MNT: variants seen among roughly 807,000 people sequenced by gnomAD.
MNT encodes the protein max-binding protein MNT.
In MNT, 13 loss-of-function variants were observed where a neutral mutation model predicts 40.7. That is an observed-to-expected ratio of 0.32 (90% CI 0.21 to 0.51). MNT has a LOEUF of 0.51. Ranked by LOEUF, MNT falls within the 20% of genes least tolerant of loss-of-function variation. The probability of loss-of-function intolerance (pLI) is 0.98; values close to 1 mark genes in which losing one functional copy is unlikely to be tolerated. For missense variants in MNT, 757 were observed against 792.0 expected (o/e 0.96, Z 0.53); for synonymous variants, 426 against 354.8 (o/e 1.20, Z -2.26).
intron 4 of MNT, among the ~76,000 whole-genome samples, chr17:2,392,933 G>A (rs1019490298): frequency 3.9e-5 from 6 of 152,224 alleles, no homozygotes; most frequent in Admixed American, 3.9e-4. Flanking sequence ...TCGCGAAGCA[G>A]CGCCTCAGCC....
At chr17:2,396,981 A>G (rs959267485) in intron 1 of MNT, 2 of 152,372 alleles carry the variant, frequency 1.3e-5, no homozygotes, top group East Asian at 1.9e-4. Flanking sequence ...CCTTTGGCCA[A>G]TCAACAACTG....
chr17:2,395,154 C>T lies in MNT; in HGVS notation c.374G>A (p.Gly125Asp). ...PLAPRQPALV[G>D]APGLSIKEPA... Reference sequence around the variant, plus strand: ...CTCCTTAATGCTGAGTCCGGGGGCGCCAACCAGGGCCGGCTGACGAGGCGC... The same window carrying T: ...CTCCTTAATGCTGAGTCCGGGGGCGTCAACCAGGGCCGGCTGACGAGGCGC... The change falls in exon 2 of 6, where the codon GGC becomes GAC. Residue 125 changes from glycine to aspartate, a missense_variant. This residue lies in a region of MNT where 335 missense variants were observed against 291.4 expected (regional missense o/e 1.15). Coordinates refer to ENST00000174618, the MANE Select transcript of MNT (RefSeq NM_020310.3). 1 of 1,459,398 alleles carries T rather than the reference C, an allele frequency of 6.9e-7. No individual in the cohort carries two copies. The allele number at this position is 1,459,398 out of a possible 1,614,324, so 90.4% of individuals were successfully genotyped here. A position where few individuals can be genotyped will look rare whatever the true frequency, so the allele number is the denominator to read the frequency against.
chr17:2,395,237 G>C lies in MNT; in HGVS notation c.291C>G (p.Ser97=). The C allele has an allele frequency of 1.3e-6, 2 of 1,506,614 alleles. No homozygotes were observed. The highest frequency in any genetic ancestry group is 1.8e-6 in the Non-Finnish European group (2 of 1,123,896). The allele number at this position is 1,506,614 out of a possible 1,614,324, so 93.3% of individuals were successfully genotyped here. ...GTGGGGGTGGGGGTAGAGGCTGAGGGGAGTTGGTCACCACAGGGATAGGGA... is the reference window on the plus strand; with the variant it reads ...GTGGGGGTGGGGGTAGAGGCTGAGGCGAGTTGGTCACCACAGGGATAGGGA... ...TVIPIPVVTN[S]PQPLPPPPPL... The change falls in exon 2 of 6, where the codon TCC becomes TCG. Residue 97 remains serine (S), a synonymous_variant. Coordinates refer to ENST00000174618, the MANE Select transcript of MNT (RefSeq NM_020310.3).
At chr17:2,387,748 G>T in intron 5 of MNT, 99 bp from the exon 6 acceptor site, 1 of 1,553,538 alleles carries the variant, frequency 6.4e-7, no homozygotes, top group Admixed American at 1.8e-5. Flanking sequence ...GATGGGGCTG[G>T]GGCCAGGGCC....
chr17:2,399,015 A>ACCCC (rs2066595966), intron 1 of MNT, among the ~76,000 whole-genome samples: 2 of 41,996 alleles, frequency 4.8e-5, no homozygotes, highest in Admixed American at 2.0e-4. Context: ...CCCTTCCCCC[A>ACCCC]CCCCCGCCCG....
chr17:2,394,265 G>T (rs1384529933), intron 3 of MNT, 40 bp downstream of exon 3: 11 of 1,486,946 alleles, frequency 7.4e-6, no homozygotes, highest in African/African-American at 1.9e-5. Context: ...GGTCGCGCGC[G>T]CACGCACGCA....
Position 2,400,640 on chromosome 17 carries a change from C to T in MNT, c.73G>A (p.Glu25Lys). 1 of 1,584,246 alleles carries T rather than the reference C, an allele frequency of 6.3e-7. No individual in the cohort carries two copies. The highest frequency in any genetic ancestry group is 8.6e-7 in the Non-Finnish European group (1 of 1,168,644). Residue 25 changes from glutamate to lysine, a missense_variant and splice_region_variant, in exon 1 of 6, where the codon GAG becomes AAG. Physicochemically the swap from Glu to Lys is moderately conservative, Grantham distance 56. Transcript: ENST00000174618. ...WQAQQQQRAREEQERLRLEQE... is the reference protein window; with the variant it reads ...WQAQQQQRARKEQERLRLEQE... ...CCAGGGGCCCAGCCCGGCCGCTCAC[C>T]ACGTGCTCTCTGTTGTTGCTGCGCT...
At chr17:2,398,609 C>T (rs1450113824) in intron 1 of MNT, among the ~76,000 whole-genome samples, 1 of 152,220 alleles carries the variant, frequency 6.6e-6, no homozygotes, top group East Asian at 1.9e-4. Context: ...TAGCTTTCCG[C>T]ACCCACTCAT....
At chr17:2,393,385 A>G (rs2066541581) in intron 4 of MNT, among the ~76,000 whole-genome samples, 1 of 152,134 alleles carries the variant, frequency 6.6e-6, no homozygotes, top group African/African-American at 2.4e-5. Context: ...CCCCGAAAAA[A>G]GAGACACCCC....
chr17:2,395,368 G>A lies in MNT; in HGVS notation c.160C>T (p.Pro54Ser). 1 of 1,613,582 alleles carries A rather than the reference G, an allele frequency of 6.2e-7. No individual in the cohort carries two copies. The highest frequency in any genetic ancestry group is 8.5e-7 in the Non-Finnish European group (1 of 1,179,898). The change falls in exon 2 of 6, where the codon CCT (proline) becomes TCT (serine). Residue 54 changes from proline (P) to serine (S), a missense_variant. Coordinates refer to ENST00000174618, the MANE Select transcript of MNT (RefSeq NM_020310.3). ...GCCTCCATGCGGGGTTCCTCCACAG[G>A]AAGGGTATGTGCCAGCCTGGCCAGG... ...NSLARLAHTL[P>S]VEEPRMEAPP...
chr17:2,387,728 G>A lies in MNT; in HGVS notation c.1001-79C>T, dbSNP rs1345817463. On this transcript the variant is annotated intron_variant, in intron 5 of 5. Coordinates refer to ENST00000174618, the MANE Select transcript of MNT (RefSeq NM_020310.3). ...TGGAGGCGTAGATGCTCGTGGGGGC[G>A]TGGGAATGTGATGGGGCTGGGGCCA... 30 of 1,575,440 alleles carry A rather than the reference G, an allele frequency of 1.9e-5. No homozygotes were observed. The East Asian group carries it at 2.5e-4, about 13-fold the overall frequency.
At chr17:2,391,030 C>T (rs965438115) in intron 4 of MNT, 1 of 152,394 alleles carries the variant, frequency 6.6e-6, no homozygotes, top group Admixed American at 6.5e-5. Context: ...GCTCTGTCAC[C>T]CAGGCTGGAG....
intron 1 of MNT, among the ~76,000 whole-genome samples, chr17:2,398,200 C>T (rs767027150): frequency 2.0e-5 from 3 of 152,240 alleles, no homozygotes; most frequent in South Asian, 2.1e-4. Context: ...CCAACTCCCT[C>T]GAAACAAGGC....
At chr17:2,395,579 A>C in intron 1 of MNT, 125 bp from the exon 2 acceptor site, 1 of 1,484,374 alleles carries the variant, frequency 6.7e-7, no homozygotes, top group African/African-American at 1.4e-5. Context: ...GAGACACCAC[A>C]AATAGCCTAC....
chr17:2,398,965 G>A (rs571126327), intron 1 of MNT, among the ~76,000 whole-genome samples: 5 of 151,800 alleles, frequency 3.3e-5, no homozygotes, highest in Admixed American at 2.0e-4. Context: ...CTAGGCCGCC[G>A]GCCCCGCAGC....
At chr17:2,400,431 T>C in intron 1 of MNT, 1 of 471,960 alleles carries the variant, frequency 2.1e-6, no homozygotes, top group Non-Finnish European at 3.7e-6. Flanking sequence ...AGGAGCCAGG[T>C]CCCTCGCAGC....
At position 2,395,194 on chromosome 17, in the gene MNT, G is replaced by T; in HGVS notation, c.334C>A (p.Gln112Lys). The T allele has an allele frequency of 1.4e-6, 2 of 1,463,410 alleles. No individual in the cohort carries two copies. Among genetic ancestry groups the T allele is most frequent in the Non-Finnish European group, 1.8e-6 (2 of 1,112,006 alleles). 90.7% of individuals were successfully genotyped at this position (1,463,410 alleles called of 1,614,324 possible). The change falls in exon 2 of 6, where the codon CAG becomes AAG. Residue 112 changes from glutamine (Q) to lysine (K), a missense_variant. By Grantham distance (53) the Gln-to-Lys change is moderately conservative. Transcript: ENST00000174618. ...PPPPPLPAAA[Q>K]PLPLAPRQPA... ...TGACGAGGCGCCAGGGGCAGAGGCT[G>T]GGCTGCCGCGGGCAAGGGTGGGGGT...
intron 4 of MNT, among the ~76,000 whole-genome samples, chr17:2,393,001 C>A (rs983359200): frequency 5.9e-5 from 9 of 152,062 alleles, no homozygotes; most frequent in African/African-American, 2.2e-4. Context: ...CGGTCGAGGC[C>A]GGGGGAGGGG....
chr17:2,387,495 G>A lies in MNT; in HGVS notation c.1155C>T (p.His385=). Residue 385 remains histidine, a synonymous_variant, in exon 6 of 6, where the codon CAC becomes CAT. Transcript: ENST00000174618. ...PAPLPPHPHP[H]PHSVALPPAH... ...CAGGAGGTAGGGCCACGGAGTGGGG[G>A]TGAGGGTGTGGGTGTGGAGGCAGAG... 3 of 1,612,862 alleles carry A rather than the reference G, an allele frequency of 1.9e-6. No individual in the cohort carries two copies. Among genetic ancestry groups the A allele is most frequent in the Non-Finnish European group, 2.5e-6 (3 of 1,179,620 alleles).
Sources: gnomAD v4.1 joint callset for allele counts (sites outside exome capture counted in the v4.1 genomes callset) on GRCh38, gnomAD v4.1.1 for gene constraint, gnomAD v4.1.1 regional missense constraint, MANE v1.5 for transcripts, NCBI Gene and HGNC (gene_info 2026-07-23, HGNC 2026-07-21) for gene names.